RAB27B: variants seen among roughly 807,000 people sequenced by gnomAD.
The protein encoded by RAB27B is RAB27B, member RAS oncogene family, also known as ras-related protein Rab-27B.
Under a neutral mutation model 24.6 loss-of-function variants are expected in RAB27B, and 15 were observed. The ratio of observed to expected loss-of-function variants is 0.61; its 90% CI spans 0.41 to 0.94. The LOEUF is 0.94. RAB27B is among the 40% of genes least tolerant of loss of function. The pLI is 0.00. For synonymous variants in RAB27B, 105 were observed against 92.5 expected (o/e 1.14, Z -0.78); for missense variants, 261 against 266.8 (o/e 0.98, Z 0.15).
intron 2 of RAB27B, among the ~76,000 whole-genome samples, chr18:54,734,553 A>T (rs1395614402): frequency 1.4e-5 from 2 of 146,716 alleles, no homozygotes; most frequent in African/African-American, 5.2e-5. Flanking sequence ...TCTCATAATG[A>T]CTTGATCAAT....
intron 2 of RAB27B, among the ~76,000 whole-genome samples, chr18:54,730,429 G>A (rs1909692021): frequency 6.6e-6 from 1 of 152,068 alleles, no homozygotes; most frequent in Non-Finnish European, 1.5e-5. Flanking sequence ...ACAATAAACT[G>A]TCATCATGCT....
At chr18:54,786,030 A>G (rs1025627047) in intron 2 of RAB27B, among the ~76,000 whole-genome samples, 3 of 152,062 alleles carry the variant, frequency 2.0e-5, no homozygotes, top group Non-Finnish European at 4.4e-5. Flanking sequence ...TTAGCATCCA[A>G]TCTGTCTCAT....
chr18:54,848,721 C>T (rs1159263429), intron 1 of RAB27B, among the ~76,000 whole-genome samples: 1 of 152,082 alleles, frequency 6.6e-6, no homozygotes, highest in African/African-American at 2.4e-5. Flanking sequence ...TGGAAAATAT[C>T]TACTGACTCA....
intron 2 of RAB27B, among the ~76,000 whole-genome samples, chr18:54,802,115 G>T (rs1046167317): frequency 6.6e-6 from 1 of 152,202 alleles, no homozygotes; most frequent in Admixed American, 6.5e-5. Flanking sequence ...TAAAGTGAGG[G>T]ATCAAAGTTA....
rs74254763 is a variant in RAB27B, at chr18:54,750,302, A to C, written c.-20+32161A>C. Among the ~76,000 whole-genome samples the C allele has an allele frequency of 1.5e-3, 221 of 152,310 alleles. 4 individuals are homozygous for C. The East Asian group carries it at 0.032, about 22-fold the overall frequency. ...TGTAACTATCTCTTGAAATGTTAGG[A>C]ATCTTTGTTTTTTATTTGCTTGAGT... On this transcript the variant is annotated intron_variant, in intron 2 of 4. Transcript: ENST00000586570.
intron 2 of RAB27B, among the ~76,000 whole-genome samples, chr18:54,781,700 A>T (rs1426790944): frequency 1.3e-5 from 2 of 152,204 alleles, no homozygotes; most frequent in Non-Finnish European, 2.9e-5. Context: ...ATGTTACTAC[A>T]TTTATAGCAT....
intron 1 of RAB27B, among the ~76,000 whole-genome samples, chr18:54,866,959 A>G (rs1211208249): frequency 6.6e-6 from 1 of 152,148 alleles, no homozygotes; most frequent in Non-Finnish European, 1.5e-5. Context: ...TTCATCCCCA[A>G]GTCACACAAG....
At chr18:54,809,623 A>G (rs1463994116) in intron 2 of RAB27B, among the ~76,000 whole-genome samples, 2 of 152,244 alleles carry the variant, frequency 1.3e-5, no homozygotes, top group South Asian at 2.1e-4. Flanking sequence ...TAGCTAATGC[A>G]TAAGTCAAAA....
intron 1 of RAB27B, among the ~76,000 whole-genome samples, chr18:54,874,082 T>C (rs1365145390): frequency 6.6e-6 from 1 of 152,170 alleles, no homozygotes; most frequent in Non-Finnish European, 1.5e-5. Flanking sequence ...CAGGTTTATG[T>C]ACAAAAGACA....
intron 2 of RAB27B, among the ~76,000 whole-genome samples, chr18:54,722,298 T>A (rs1186178483): frequency 6.6e-6 from 1 of 152,338 alleles, no homozygotes; most frequent in Non-Finnish European, 1.5e-5. Flanking sequence ...TTCCGAATCT[T>A]CTAAAGAGCA....
At chr18:54,766,835 G>C (rs1367037430) in intron 2 of RAB27B, among the ~76,000 whole-genome samples, 2 of 152,174 alleles carry the variant, frequency 1.3e-5, no homozygotes, top group Non-Finnish European at 2.9e-5. Flanking sequence ...AGGAAACAAT[G>C]GCTGCCTAGG....
chr18:54,829,033 A>G (rs975615871), intron 1 of RAB27B, among the ~76,000 whole-genome samples: 1 of 152,240 alleles, frequency 6.6e-6, no homozygotes, highest in Admixed American at 6.5e-5. Context: ...TCAAAAAACA[A>G]TCAAAATAAT....
At chr18:54,786,341 T>C (rs563753723) in intron 2 of RAB27B, among the ~76,000 whole-genome samples, 37 of 152,352 alleles carry the variant, frequency 2.4e-4, no homozygotes, top group Admixed American at 1.0e-3. Context: ...TTTCTTTCTC[T>C]GTGTCATCTC....
At chr18:54,757,674 G>T (rs1908050921) in intron 2 of RAB27B, among the ~76,000 whole-genome samples, 1 of 151,902 alleles carries the variant, frequency 6.6e-6, no homozygotes, top group Admixed American at 6.6e-5. Context: ...ATAAAATTGG[G>T]ACAAAAAAGA....
chr18:54,748,623 C>T (rs1163142773), intron 2 of RAB27B, among the ~76,000 whole-genome samples: 2 of 152,066 alleles, frequency 1.3e-5, no homozygotes, highest in Non-Finnish European at 1.5e-5. Context: ...GGTTGAGGCA[C>T]AAATTTGCAT....
chr18:54,756,636 T>C (rs1477694263), intron 2 of RAB27B, among the ~76,000 whole-genome samples: 1 of 152,174 alleles, frequency 6.6e-6, no homozygotes, highest in Non-Finnish European at 1.5e-5. Context: ...GATGTATTTA[T>C]GAGTCTGGGC....
intron 2 of RAB27B, among the ~76,000 whole-genome samples, chr18:54,747,411 T>C (rs1300088069): frequency 6.6e-6 from 1 of 152,238 alleles, no homozygotes; most frequent in African/African-American, 2.4e-5. Flanking sequence ...ACATTCATTT[T>C]GTTTTAGTCT....
chr18:54,815,456 G>A (rs529389837), intron 2 of RAB27B, among the ~76,000 whole-genome samples: 1 of 152,190 alleles, frequency 6.6e-6, no homozygotes, highest in South Asian at 2.1e-4. Context: ...ACACGTAATG[G>A]CTATTTTCCA....
In RAB27B at chr18:54,720,915, C is replaced by T. The variant is rs577943264; in HGVS notation, c.-20+2774C>T. Among the ~76,000 whole-genome samples the T allele has an allele frequency of 3.3e-5, 5 of 152,130 alleles. No homozygotes were observed. In the East Asian group the frequency reaches 9.7e-4, roughly 29 times the overall value. On this transcript the variant is annotated intron_variant, in intron 2 of 4. Transcript: ENST00000586570. ...AATTACATGTAACTTGAGATTTTCCCATTATGATTTCCCCTTAAATAAAAG... is the reference window on the plus strand; with the variant it reads ...AATTACATGTAACTTGAGATTTTCCTATTATGATTTCCCCTTAAATAAAAG...
Sources: gnomAD v4.1 joint callset for allele counts (sites outside exome capture counted in the v4.1 genomes callset) on GRCh38, gnomAD v4.1.1 for gene constraint, MANE v1.5 for transcripts, NCBI Gene and HGNC (gene_info 2026-07-23, HGNC 2026-07-21) for gene names.